The following EZR variants were observed in gnomAD, a reference collection of about 807,000 sequenced individuals.
EZR encodes the protein cytovillin 2.
In EZR, 40 loss-of-function variants were observed where a neutral mutation model predicts 74.8. That is an observed-to-expected ratio of 0.53 (90% CI 0.42 to 0.70). The LOEUF (loss-of-function observed/expected upper bound fraction) is 0.70, where lower values mean the gene tolerates loss of function less well. Ranked by LOEUF, EZR falls within the 30% of genes least tolerant of loss-of-function variation. The probability of loss-of-function intolerance (pLI) is 0.00; values close to 1 mark genes in which losing one functional copy is unlikely to be tolerated. For missense variants in EZR, 678 were observed against 755.8 expected, an observed-to-expected ratio of 0.90 and a Z score of 1.21; for synonymous variants, 341 against 283.3, an observed-to-expected ratio of 1.20 and a Z score of -2.05.
At chr6:158,804,627 T>C (rs763760466) in intron 2 of EZR, among the ~76,000 whole-genome samples, 2 of 152,218 alleles carry the variant, frequency 1.3e-5, no homozygotes, top group Non-Finnish European at 2.9e-5. Context: ...TATTATATGC[T>C]AGAGTCGGTT....
chr6:158,792,436 T>G (rs1215052064), intron 2 of EZR, among the ~76,000 whole-genome samples: 3 of 152,148 alleles, frequency 2.0e-5, no homozygotes, highest in Admixed American at 1.3e-4. Flanking sequence ...GGTCTCAAAC[T>G]CCTGACTGTG....
intron 2 of EZR, among the ~76,000 whole-genome samples, chr6:158,794,850 C>T (rs368362434): frequency 6.6e-6 from 1 of 152,250 alleles, no homozygotes; most frequent in African/African-American, 2.4e-5. Context: ...TAACTTTACT[C>T]CTGTACCACT....
rs772381518 is a variant in EZR, at chr6:158,767,273, C to A, written c.1584G>T (p.Gln528His). Residue 528 changes from glutamine to histidine, a missense_variant, in exon 13 of 14, where the codon CAG becomes CAT. Around this residue, in one of 3 missense-constraint regions of EZR, gnomAD observed 342 missense variants for 341.2 expected, o/e 1.00. Coordinates refer to ENST00000367075, the MANE Select transcript of EZR (RefSeq NM_001111077.2). ...ITEAEKNERV[Q>H]RQLLTLSSEL... ...CCTTGGGCCTCACCAGCAGCTGCCG[C>A]TGCACACGCTCGTTCTTCTCTGCCT... 6 of 1,612,948 alleles carry A rather than the reference C, an allele frequency of 3.7e-6. No individual in the cohort carries two copies. The South Asian group carries it at 6.6e-5, about 18-fold the overall frequency.
At chr6:158,771,214 G>C (rs912925831) in intron 9 of EZR, 30 bp downstream of exon 9, 16 of 1,569,322 alleles carry the variant, frequency 1.0e-5, no homozygotes, top group South Asian at 8.3e-5. Context: ...GAGAACACAG[G>C]CCCCCCCCAC....
At chr6:158,798,620 C>T (rs1396878117) in intron 2 of EZR, among the ~76,000 whole-genome samples, 11 of 132,988 alleles carry the variant, frequency 8.3e-5, no homozygotes, top group Non-Finnish European at 1.5e-4. Flanking sequence ...TTTGCTGCTC[C>T]GCTTTTTTTT....
chr6:158,775,833 C>A (rs1430958609), intron 8 of EZR, among the ~76,000 whole-genome samples: 1 of 152,228 alleles, frequency 6.6e-6, no homozygotes, highest in East Asian at 1.9e-4. Flanking sequence ...GCAGCTATTA[C>A]AATCAATACT....
chr6:158,776,106 C>A (rs974887825), intron 8 of EZR, among the ~76,000 whole-genome samples: 1 of 152,202 alleles, frequency 6.6e-6, no homozygotes, highest in Non-Finnish European at 1.5e-5. Flanking sequence ...AGTCCCTGCA[C>A]CCAGGTGGTC....
chr6:158,766,932 G>A lies in EZR; in HGVS notation c.1743C>T (p.Asp581=), dbSNP rs368253984. 1.1e-4 allele frequency: 184 copies of A among 1,614,144 alleles called. 1 individual carries two copies. Among genetic ancestry groups the A allele is most frequent in the East Asian group, 2.2e-4 (10 of 44,880 alleles). ...CTGGCTGTTACAGGGCCTCGAACTC[G>A]TCGATGCGCTGCTTGGTGTTGCCCT... ...IRQGNTKQRI[D]EFEAL Residue 581 remains aspartate (D), a synonymous_variant, in exon 14 of 14, where the codon GAC becomes GAT. Coordinates refer to ENST00000367075, the MANE Select transcript of EZR (RefSeq NM_001111077.2).
chr6:158,771,206 G>A, intron 9 of EZR, 38 bp downstream of exon 9: 1 of 1,570,820 alleles, frequency 6.4e-7, no homozygotes, highest in Non-Finnish European at 8.6e-7. Flanking sequence ...TGAGTTGGGA[G>A]AACACAGGCC....
At chr6:158,786,878 CA>C (rs1791596584) in intron 4 of EZR, among the ~76,000 whole-genome samples, 1 of 152,172 alleles carries the variant, frequency 6.6e-6, no homozygotes, top group Non-Finnish European at 1.5e-5. Context: ...AAAAGCTATG[CA>C]ATTAACCATC....
At chr6:158,770,983 G>C (rs558427294) in intron 9 of EZR, 89 bp from the exon 10 acceptor site, 19 of 1,582,966 alleles carry the variant, frequency 1.2e-5, no homozygotes, top group East Asian at 2.2e-5. Context: ...TGAAGCTCCA[G>C]GATGGACTTG....
chr6:158,781,889 G>GACTGAGACCACAGGCGTGCACCACCAT (rs1235245303), intron 7 of EZR, among the ~76,000 whole-genome samples: 2 of 152,230 alleles, frequency 1.3e-5, no homozygotes, highest in East Asian at 3.9e-4. Flanking sequence ...TCAGCCACCT[G>GACTGAGACCACAGGCGTGCACCACCAT]ACTGAGACCA....
At position 158,766,771 on chromosome 6, in the gene EZR, A is replaced by G. The variant is rs1790879734; in HGVS notation, c.*143T>C. 2 of 856,628 alleles carry G rather than the reference A, an allele frequency of 2.3e-6. No homozygotes were observed. The highest frequency in any genetic ancestry group is 3.7e-6 in the Non-Finnish European group (2 of 543,204). The allele number at this position is 856,628 out of a possible 1,614,324, so 53.1% of individuals were successfully genotyped here. A position where few individuals can be genotyped will look rare whatever the true frequency, so the allele number is the denominator to read the frequency against. On this transcript the variant is annotated 3_prime_UTR_variant, in exon 14 of 14. Coordinates refer to ENST00000367075, the MANE Select transcript of EZR (RefSeq NM_001111077.2). ...AGGGCGCCTCCCTGGTTCCCAGCCC[A>G]GAATGTTTCTGTTGGGTAACTGCTT...
chr6:158,773,511 G>A (rs1791182322), intron 8 of EZR, among the ~76,000 whole-genome samples: 1 of 152,234 alleles, frequency 6.6e-6, no homozygotes, highest in Non-Finnish European at 1.5e-5. Context: ...TTTTTAAACT[G>A]GCCGAGGACC....
intron 2 of EZR, among the ~76,000 whole-genome samples, chr6:158,810,371 G>A (rs773726316): frequency 1.3e-5 from 2 of 152,046 alleles, no homozygotes; most frequent in Admixed American, 6.6e-5. Flanking sequence ...CTTACCAGCC[G>A]GGAGGCCCTC....
chr6:158,801,479 A>G (rs1777185113), intron 2 of EZR, among the ~76,000 whole-genome samples: 1 of 152,248 alleles, frequency 6.6e-6, no homozygotes, highest in Admixed American at 6.5e-5. Flanking sequence ...AAATCTTGTA[A>G]AAAGTGCACA....
intron 7 of EZR, among the ~76,000 whole-genome samples, chr6:158,778,272 T>C (rs1791337553): frequency 1.3e-5 from 2 of 152,230 alleles, no homozygotes; most frequent in South Asian, 4.1e-4. Flanking sequence ...CTCCTGTCTC[T>C]ACACAGGACT....
Position 158,774,650 on chromosome 6 carries a change from T to C in EZR, c.795+1758A>G, listed in dbSNP as rs73022003. On this transcript the variant is annotated intron_variant, in intron 8 of 13. Coordinates refer to ENST00000367075, the MANE Select transcript of EZR (RefSeq NM_001111077.2). ...TATTATGAAAATATTCTTCAGCTTTTCAAGAGATGGACTTATCATCAAACA... is the reference window on the plus strand; with the variant it reads ...TATTATGAAAATATTCTTCAGCTTTCCAAGAGATGGACTTATCATCAAACA... 8.9e-3 allele frequency among the ~76,000 whole-genome samples: 1,291 copies of C among 145,318 alleles called. 4 individuals are homozygous for C. Among genetic ancestry groups the C allele is most frequent in the Non-Finnish European group, 0.012 (830 of 67,150 alleles).
At position 158,803,152 on chromosome 6, in the gene EZR, GCAGAGTATTGACA is replaced by G. The variant is rs1295374782; in HGVS notation, c.13-13794_13-13782del. ...TTAATGTGCAGCAGACGTTAACAGG[GCAGAGTATTGACA>G]CAGAAGTGGGGGCTGGGAATTTCCT... On this transcript the variant is annotated intron_variant, in intron 2 of 13. Transcript: ENST00000367075. Among the ~76,000 whole-genome samples, 23 of 151,958 alleles carry G rather than the reference GCAGAGTATTGACA, an allele frequency of 1.5e-4. 1 individual carries two copies. The South Asian group carries it at 2.9e-3, about 19-fold the overall frequency.
Sources: allele counts gnomAD v4.1 joint callset (sites outside exome capture counted in the v4.1 genomes callset), GRCh38; gene constraint gnomAD v4.1.1; regional missense constraint gnomAD v4.1.1; transcripts MANE v1.5; gene names NCBI Gene and HGNC (gene_info 2026-07-23, HGNC 2026-07-21).